FHOD3: variants seen among roughly 807,000 people sequenced by gnomAD.
FHOD3 encodes the protein formin homology 2 domain containing 3.
Under a neutral mutation model 173.0 loss-of-function variants are expected in FHOD3, and 90 were observed. The ratio of observed to expected loss-of-function variants is 0.52; its 90% CI spans 0.44 to 0.62. FHOD3 has a LOEUF of 0.62. FHOD3 is among the 20% of genes least tolerant of loss of function. The pLI is 0.00. For synonymous variants in FHOD3, 828 were observed against 823.0 expected, an observed-to-expected ratio of 1.01 and a Z score of -0.10; for missense variants, 1,945 against 2,034.7, an observed-to-expected ratio of 0.96 and a Z score of 0.85.
intron 3 of FHOD3, among the ~76,000 whole-genome samples, chr18:36,434,472 A>G (rs1199275571): frequency 6.6e-6 from 1 of 152,192 alleles, no homozygotes; most frequent in East Asian, 1.9e-4. Context: ...GTTGTATTGT[A>G]CATTTTGAGA....
intron 25 of FHOD3, 21 bp downstream of exon 25, chr18:36,755,332 C>T: frequency 6.8e-7 from 1 of 1,478,448 alleles, no homozygotes; most frequent in Non-Finnish European, 9.1e-7. Context: ...CACAATCCCT[C>T]TCCTTATGTC....
intron 10 of FHOD3, among the ~76,000 whole-genome samples, chr18:36,639,922 G>A (rs1395581195): frequency 6.6e-6 from 1 of 150,934 alleles, no homozygotes; most frequent in South Asian, 2.1e-4. Flanking sequence ...GAATAAATCT[G>A]TAACCCCAGT....
At chr18:36,341,982 A>C (rs981706018) in intron 1 of FHOD3, among the ~76,000 whole-genome samples, 1 of 152,260 alleles carries the variant, frequency 6.6e-6, no homozygotes, top group Non-Finnish European at 1.5e-5. Context: ...TGATAAATAC[A>C]TACTAGAAAA....
chr18:36,610,909 T>A (rs747172553), intron 8 of FHOD3, among the ~76,000 whole-genome samples: 6 of 152,224 alleles, frequency 3.9e-5, no homozygotes, highest in Non-Finnish European at 5.9e-5. Flanking sequence ...CTTCAGTCGC[T>A]TCCTGTTGCC....
chr18:36,579,321 A>G (rs1365737712), intron 6 of FHOD3, among the ~76,000 whole-genome samples: 1 of 152,190 alleles, frequency 6.6e-6, no homozygotes, highest in Non-Finnish European at 1.5e-5. Context: ...AACACCAACA[A>G]CTTGCCCTAT....
chr18:36,682,646 A>G (rs955586662), intron 15 of FHOD3, among the ~76,000 whole-genome samples: 1 of 152,104 alleles, frequency 6.6e-6, no homozygotes, highest in Non-Finnish European at 1.5e-5. Context: ...ACAGTGGCGC[A>G]ATCTTGGCTC....
intron 14 of FHOD3, among the ~76,000 whole-genome samples, chr18:36,664,777 T>TGTGA (rs1555798228): frequency 4.6e-5 from 6 of 129,614 alleles, no homozygotes; most frequent in South Asian, 2.7e-4. Context: ...TGTGTGTATG[T>TGTGA]GAGAGAGAGA....
chr18:36,373,510 A>G (rs959417856), intron 3 of FHOD3, among the ~76,000 whole-genome samples: 5 of 152,122 alleles, frequency 3.3e-5, no homozygotes, highest in African/African-American at 1.2e-4. Context: ...CTGCTTCCCT[A>G]TTGGAGACCC....
At chr18:36,716,908 A>ATGTGTGTGTGTGTGTGTGTG (rs1345159982) in intron 18 of FHOD3, among the ~76,000 whole-genome samples, 1 of 135,254 alleles carries the variant, frequency 7.4e-6, no homozygotes, top group African/African-American at 3.1e-5. Context: ...GAAATTATAT[A>ATGTGTGTGTGTGTGTGTGTG]TGTGTATGTG....
rs1489005827 is a variant in FHOD3 at position 36,730,784 on chromosome 18, T to G, written c.3556T>G (p.Leu1186Val). The change falls in exon 20 of 29, where the codon TTA becomes GTA. Residue 1186 changes from leucine to valine, a missense_variant. Around this residue, in one of 5 missense-constraint regions of FHOD3, gnomAD observed 231 missense variants for 321.9 expected, o/e 0.72. Transcript: ENST00000590592. The stretch of plus-strand genomic sequence containing the variant: ...CATTTTGAATTTTGATGAGTATGCC[T>G]TAAACAAAGAAGGAATCGAGGTGAG... ...IAILNFDEYA[L>V]NKEGIEKILT... is the part of the protein sequence containing the mutation. 1.2e-6 allele frequency: 2 copies of G among 1,613,932 alleles called. No individual in the cohort carries two copies. Among genetic ancestry groups the G allele is most frequent in the Non-Finnish European group, 1.7e-6 (2 of 1,180,002 alleles).
At chr18:36,628,356 C>T (rs2034266081) in intron 10 of FHOD3, among the ~76,000 whole-genome samples, 1 of 152,136 alleles carries the variant, frequency 6.6e-6, no homozygotes, top group South Asian at 2.1e-4. Context: ...CCCAGCCAAC[C>T]ACTCCTAAAC....
intron 2 of FHOD3, among the ~76,000 whole-genome samples, chr18:36,358,273 C>T (rs1384232949): frequency 6.6e-6 from 1 of 152,220 alleles, no homozygotes; most frequent in Non-Finnish European, 1.5e-5. Flanking sequence ...TTGGTTCCTG[C>T]AAGGACAATT....
At chr18:36,679,414 T>C (rs1420031900) in intron 14 of FHOD3, among the ~76,000 whole-genome samples, 1 of 152,144 alleles carries the variant, frequency 6.6e-6, no homozygotes, top group Non-Finnish European at 1.5e-5. Flanking sequence ...GTCTTTGCTC[T>C]TTATTTTTTT....
At position 36,505,205 on chromosome 18, in the gene FHOD3, A is replaced by C. The variant is rs534752931; in HGVS notation, c.405+3206A>C. On this transcript the variant is annotated intron_variant, in intron 4 of 28. Coordinates refer to ENST00000590592, the MANE Select transcript of FHOD3 (RefSeq NM_001281740.3). ...TAAAGGTATTGTTAAAATGTCCAAA[A>C]GGAATGCAGATACCTCCTTGGGTAA... is the stretch of plus-strand genomic sequence containing the variant. 4.6e-5 allele frequency among the ~76,000 whole-genome samples: 7 copies of C among 152,374 alleles called. No individual in the cohort carries two copies. In the East Asian group the frequency reaches 1.2e-3, roughly 25 times the overall value.
chr18:36,689,822 G>C (rs2038850839), intron 16 of FHOD3, among the ~76,000 whole-genome samples: 2 of 152,176 alleles, frequency 1.3e-5, no homozygotes, highest in Non-Finnish European at 2.9e-5. Context: ...TTGGAACTGG[G>C]CTAGGGTTTT....
At chr18:36,405,863 G>A (rs975962462) in intron 3 of FHOD3, among the ~76,000 whole-genome samples, 5 of 152,068 alleles carry the variant, frequency 3.3e-5, no homozygotes, top group Admixed American at 6.5e-5. Context: ...CCCCTTTGTC[G>A]GTTAAATGAA....
intron 10 of FHOD3, among the ~76,000 whole-genome samples, chr18:36,636,383 G>T (rs1188672054): frequency 2.0e-5 from 3 of 152,178 alleles, no homozygotes; most frequent in Non-Finnish European, 4.4e-5. Flanking sequence ...CTTGATAAGA[G>T]CCTGTGGAGG....
chr18:36,644,063 A>G (rs545408726), intron 10 of FHOD3, among the ~76,000 whole-genome samples: 135 of 152,314 alleles, frequency 8.9e-4, no homozygotes, highest in African/African-American at 3.1e-3. Context: ...AGAACTGGTC[A>G]GGCTGCAGGC....
intron 1 of FHOD3, among the ~76,000 whole-genome samples, chr18:36,302,956 T>G (rs930095507): frequency 6.6e-6 from 1 of 152,230 alleles, no homozygotes; most frequent in Non-Finnish European, 1.5e-5. Context: ...CAGTTGGCTT[T>G]GTTTCATGCA....
Sources: allele counts gnomAD v4.1 joint callset (sites outside exome capture counted in the v4.1 genomes callset), GRCh38; gene constraint gnomAD v4.1.1; regional missense constraint gnomAD v4.1.1; transcripts MANE v1.5; gene names NCBI Gene and HGNC (gene_info 2026-07-23, HGNC 2026-07-21).